The following ROBO1 variants were observed in gnomAD, a reference collection of about 807,000 sequenced individuals.
ROBO1 encodes the protein roundabout guidance receptor 1.
Under a neutral mutation model 195.9 loss-of-function variants are expected in ROBO1, and 149 were observed. The ratio of observed to expected loss-of-function variants is 0.76; its 90% confidence interval spans 0.67 to 0.87. The LOEUF (loss-of-function observed/expected upper bound fraction) is 0.87, where lower values mean the gene tolerates loss of function less well. ROBO1 is among the 40% of genes least tolerant of loss of function. The probability of loss-of-function intolerance (pLI) is 0.00; values close to 1 mark genes in which losing one functional copy is unlikely to be tolerated. For missense variants in ROBO1, 1,933 were observed against 2,068.3 expected (o/e 0.93, Z 1.27); for synonymous variants, 816 against 733.2 (o/e 1.11, Z -1.82).
chr3:78,911,510 T>C (rs188196305), intron 4 of ROBO1, among the ~76,000 whole-genome samples: 44 of 152,126 alleles, frequency 2.9e-4, no homozygotes, highest in Admixed American at 4.6e-4. Context: ...AGATATGAAC[T>C]GTATTCGTGA....
Position 78,614,808 on chromosome 3 carries a change from GAA to G in ROBO1, c.4283-10_4283-9del, listed in dbSNP as rs748984685. 1,040 of 1,148,896 alleles carry G rather than the reference GAA, an allele frequency of 9.1e-4. 1 individual carries two copies. The highest frequency in any genetic ancestry group is 3.0e-3 in the South Asian group (160 of 53,068). The allele number at this position is 1,148,896 out of a possible 1,614,324, so 71.2% of individuals were successfully genotyped here. On this transcript the variant is annotated splice_polypyrimidine_tract_variant and intron_variant, in intron 27 of 30. Coordinates refer to ENST00000464233, the MANE Select transcript of ROBO1 (RefSeq NM_002941.4). The stretch of plus-strand genomic sequence containing the variant: ...CATGAAAATGTCGACGGCCTAAGGA[GAA>G]AAAAAAAAAAAATCCAAGCCAAACT...
At chr3:79,057,445 A>G (rs980652623) in intron 3 of ROBO1, among the ~76,000 whole-genome samples, 1 of 151,974 alleles carries the variant, frequency 6.6e-6, no homozygotes, top group Non-Finnish European at 1.5e-5. Context: ...GTCAGAGACC[A>G]CCCTCAGACA....
At chr3:79,413,526 A>G (rs1418775593) in intron 2 of ROBO1, among the ~76,000 whole-genome samples, 1 of 152,124 alleles carries the variant, frequency 6.6e-6, no homozygotes, top group East Asian at 1.9e-4. Context: ...CTTCAGTTGA[A>G]TGTTACCATA....
chr3:79,303,922 G>A (rs922752938), intron 2 of ROBO1, among the ~76,000 whole-genome samples: 1 of 152,030 alleles, frequency 6.6e-6, no homozygotes, highest in Non-Finnish European at 1.5e-5. Flanking sequence ...GAATGTTAGG[G>A]ATAGGACAGG....
At chr3:79,753,708 G>A (rs2107488082) in intron 1 of ROBO1, among the ~76,000 whole-genome samples, 1 of 152,266 alleles carries the variant, frequency 6.6e-6, no homozygotes, top group East Asian at 1.9e-4. Context: ...AAAGCTTTAT[G>A]GGTAGAACCT....
intron 2 of ROBO1, among the ~76,000 whole-genome samples, chr3:79,553,704 A>C (rs9835084): frequency 0.15 from 22,456 of 152,112 alleles, 2,134 homozygotes; most frequent in African/African-American, 0.26. Context: ...AAATACCATA[A>C]AATTTTAAAG....
chr3:79,054,733 G>A (rs1400330708), intron 3 of ROBO1, among the ~76,000 whole-genome samples: 1 of 152,084 alleles, frequency 6.6e-6, no homozygotes, highest in African/African-American at 2.4e-5. Context: ...TTGTTGCAAA[G>A]GGAAACATTG....
chr3:78,657,736 C>T (rs1045583261), intron 17 of ROBO1, among the ~76,000 whole-genome samples: 5 of 152,210 alleles, frequency 3.3e-5, no homozygotes, highest in Admixed American at 6.5e-5. Context: ...CGCCAAGCCT[C>T]GTACTTCAAC....
At chr3:79,330,326 A>T (rs993394220) in intron 2 of ROBO1, among the ~76,000 whole-genome samples, 8 of 148,688 alleles carry the variant, frequency 5.4e-5, no homozygotes, top group Admixed American at 2.7e-4. Context: ...TAAATAAATA[A>T]ATAAATAAAA....
intron 17 of ROBO1, among the ~76,000 whole-genome samples, chr3:78,659,273 T>A (rs1278399000): frequency 6.6e-6 from 1 of 152,192 alleles, no homozygotes. Flanking sequence ...CTTTAAAAAA[T>A]ACACTGTTCA....
At chr3:79,678,019 CA>C (rs1388550061) in intron 1 of ROBO1, among the ~76,000 whole-genome samples, 16 of 152,068 alleles carry the variant, frequency 1.1e-4, no homozygotes, top group Non-Finnish European at 1.8e-4. Context: ...TAAAAAGCAA[CA>C]TATTCATATT....
chr3:78,760,414 C>T (rs1245384485), intron 4 of ROBO1, among the ~76,000 whole-genome samples: 1 of 152,030 alleles, frequency 6.6e-6, no homozygotes, highest in Non-Finnish European at 1.5e-5. Context: ...TACCTGTAAT[C>T]CCTGCATTTG....
intron 1 of ROBO1, among the ~76,000 whole-genome samples, chr3:79,686,005 A>C (rs1015067266): frequency 5.3e-5 from 8 of 152,214 alleles, no homozygotes; most frequent in Non-Finnish European, 1.5e-5. Context: ...CCAGCAGCAC[A>C]TCAAAAAGCT....
intron 8 of ROBO1, among the ~76,000 whole-genome samples, chr3:78,711,346 TCCTC>T (rs1432147595): frequency 0.012 from 625 of 53,592 alleles, 23 homozygotes; most frequent in African/African-American, 0.047. Flanking sequence ...CTTCCTTCCT[TCCTC>T]CTTCCTTCCT....
chr3:79,569,198 C>T (rs915736700), intron 2 of ROBO1, among the ~76,000 whole-genome samples: 3 of 152,302 alleles, frequency 2.0e-5, no homozygotes, highest in East Asian at 1.9e-4. Flanking sequence ...TGATTTCTCT[C>T]GCTGACAATT....
At chr3:78,875,617 A>G (rs1407613266) in intron 4 of ROBO1, among the ~76,000 whole-genome samples, 7 of 152,102 alleles carry the variant, frequency 4.6e-5, no homozygotes, top group Admixed American at 4.6e-4. Flanking sequence ...CAGTCCAAAA[A>G]AGACTGAAGA....
intron 4 of ROBO1, among the ~76,000 whole-genome samples, chr3:78,916,568 A>G (rs566328463): frequency 3.9e-5 from 6 of 151,990 alleles, no homozygotes; most frequent in East Asian, 1.9e-4. Flanking sequence ...AAAAAAAAAA[A>G]AAAAAGAAAA....
At chr3:79,732,492 C>T (rs946974043) in intron 1 of ROBO1, among the ~76,000 whole-genome samples, 5 of 151,924 alleles carry the variant, frequency 3.3e-5, no homozygotes, top group African/African-American at 1.2e-4. Flanking sequence ...CTATATATAC[C>T]AAATCTTGCT....
At chr3:78,691,284 G>T (rs2081168971) in intron 8 of ROBO1, among the ~76,000 whole-genome samples, 1 of 151,708 alleles carries the variant, frequency 6.6e-6, no homozygotes, top group Non-Finnish European at 1.5e-5. Context: ...GATTTTTTTT[G>T]AAAGCTACAA....
Sources: allele counts gnomAD v4.1 joint callset (sites outside exome capture counted in the v4.1 genomes callset), GRCh38; gene constraint gnomAD v4.1.1; transcripts MANE v1.5; gene names NCBI Gene and HGNC (gene_info 2026-07-23, HGNC 2026-07-21).